Variants in PRKN observed in about 807,000 individuals in gnomAD.
PRKN encodes the protein parkin RBR E3 ubiquitin protein ligase, also known as E3 ubiquitin-protein ligase parkin.
In PRKN, 56 loss-of-function variants were observed where a neutral mutation model predicts 59.5. The observed-to-expected ratio is 0.94, with a 90% CI of 0.76 to 1.18. PRKN has a LOEUF of 1.18. PRKN is among the 50% of genes most tolerant of loss of function. PRKN has a pLI of 0.00. For missense variants in PRKN, 657 were observed against 596.4 expected (o/e 1.10, Z -1.06); for synonymous variants, 250 against 222.1 (o/e 1.13, Z -1.12).
chr6:162,120,010 T>C (rs1780837353), intron 4 of PRKN, among the ~76,000 whole-genome samples: 1 of 152,176 alleles, frequency 6.6e-6, no homozygotes, highest in East Asian at 1.9e-4. Context: ...TTCTCTGTTT[T>C]GTTGTTGTTG....
At position 161,352,776 on chromosome 6, in the gene PRKN, A is replaced by G. The variant is rs1021672429; in HGVS notation, c.1286-2565T>C. On this transcript the variant is annotated intron_variant, in intron 11 of 11. Coordinates refer to ENST00000366898, the MANE Select transcript of PRKN (RefSeq NM_004562.3). The surrounding 1 kb of genome is among the most constrained non-coding windows in gnomAD (Gnocchi z 5.8). Reference sequence around the variant, plus strand: ...GTGTGTATATATATATATATATTTTATTTTATTTTATTTTATTTTTTTGAG... The same window carrying G: ...GTGTGTATATATATATATATATTTTGTTTTATTTTATTTTATTTTTTTGAG... Among the ~76,000 whole-genome samples the G allele has an allele frequency of 5.9e-5, 6 of 101,122 alleles. No individual in the cohort carries two copies. The highest frequency in any genetic ancestry group is 2.7e-4 in the Admixed American group (3 of 11,072). 66.3% of individuals were successfully genotyped at this position (101,122 alleles called of 152,430 possible).
chr6:162,621,439 C>T (rs1015426470), intron 1 of PRKN, among the ~76,000 whole-genome samples: 3 of 152,162 alleles, frequency 2.0e-5, no homozygotes, highest in Non-Finnish European at 4.4e-5. Context: ...CATGTGAGTT[C>T]ACCTTCTATG....
intron 9 of PRKN, among the ~76,000 whole-genome samples, chr6:161,485,180 G>A (rs547631461): frequency 1.4e-4 from 21 of 152,342 alleles, no homozygotes; most frequent in African/African-American, 4.8e-4. Context: ...TCATTCAGAT[G>A]ACTATATGCC....
intron 1 of PRKN, among the ~76,000 whole-genome samples, chr6:162,678,389 A>G (rs1779634506): frequency 1.3e-5 from 2 of 152,186 alleles, no homozygotes; most frequent in African/African-American, 4.8e-5. Flanking sequence ...ACTTTTTCCC[A>G]AAGTGGTTTC....
intron 6 of PRKN, among the ~76,000 whole-genome samples, chr6:161,844,183 A>C (rs1793104773): frequency 6.6e-6 from 1 of 152,252 alleles, no homozygotes; most frequent in Non-Finnish European, 1.5e-5. Context: ...ATGAACAAAA[A>C]GAATATTAAA....
At chr6:162,128,673 G>T (rs148516239) in intron 4 of PRKN, among the ~76,000 whole-genome samples, 113 of 152,252 alleles carry the variant, frequency 7.4e-4, no homozygotes, top group Non-Finnish European at 1.4e-3. Context: ...TTTATATATG[G>T]AAACCTAATC....
chr6:161,857,953 T>C (rs1406242091), intron 6 of PRKN, among the ~76,000 whole-genome samples: 1 of 152,222 alleles, frequency 6.6e-6, no homozygotes, highest in Non-Finnish European at 1.5e-5. Flanking sequence ...TAGCATCCAA[T>C]TATCACGTTG....
At chr6:162,556,867 A>G (rs1779628757) in intron 1 of PRKN, among the ~76,000 whole-genome samples, 1 of 152,140 alleles carries the variant, frequency 6.6e-6, no homozygotes, top group African/African-American at 2.4e-5. Context: ...AGCAGAGGGC[A>G]AGGCAGCACA....
At chr6:162,494,693 T>C (rs763035895) in intron 1 of PRKN, among the ~76,000 whole-genome samples, 4 of 152,194 alleles carry the variant, frequency 2.6e-5, no homozygotes, top group Non-Finnish European at 4.4e-5. Context: ...TTAAGGGAGA[T>C]AGTGAATGTA....
intron 9 of PRKN, among the ~76,000 whole-genome samples, chr6:161,453,715 ATCCCTCCC>A (rs1169181825): frequency 7.4e-6 from 1 of 135,802 alleles, no homozygotes; most frequent in Non-Finnish European, 1.6e-5. Context: ...CGGTCGGTCC[ATCCCTCCC>A]TCCCTCCCTC....
chr6:161,569,502 G>T, intron 7 of PRKN, 86 bp from the exon 8 acceptor site: 1 of 1,127,340 alleles, frequency 8.9e-7, no homozygotes, highest in Non-Finnish European at 1.3e-6. Flanking sequence ...ACTATCAACT[G>T]CCAGTGTTGC....
At chr6:162,198,687 G>A (rs967660789) in intron 4 of PRKN, among the ~76,000 whole-genome samples, 1 of 151,122 alleles carries the variant, frequency 6.6e-6, no homozygotes, top group East Asian at 2.0e-4. Flanking sequence ...GACTGGCTCT[G>A]GCTAACTGAT....
intron 6 of PRKN, among the ~76,000 whole-genome samples, chr6:161,885,896 A>G (rs1374982649): frequency 6.6e-6 from 1 of 152,206 alleles, no homozygotes; most frequent in Non-Finnish European, 1.5e-5. Flanking sequence ...AGGAGTTTTC[A>G]TCACACAAGG....
At chr6:162,677,466 G>GAAAAAAA (rs10712151) in intron 1 of PRKN, among the ~76,000 whole-genome samples, 1 of 91,406 alleles carries the variant, frequency 1.1e-5, no homozygotes, top group Non-Finnish European at 2.2e-5. Context: ...GCACTGTGGA[G>GAAAAAAA]AAAAAAAAAA....
At chr6:161,368,598 A>C (rs1582980508) in intron 10 of PRKN, among the ~76,000 whole-genome samples, 1 of 151,656 alleles carries the variant, frequency 6.6e-6, no homozygotes, top group Admixed American at 6.6e-5. Flanking sequence ...ACCAGCACCC[A>C]GCTTGTGGTA....
chr6:162,693,068 C>T (rs1777839489), intron 1 of PRKN, among the ~76,000 whole-genome samples: 1 of 152,272 alleles, frequency 6.6e-6, no homozygotes, highest in South Asian at 2.1e-4. Context: ...TAAAAAGCAA[C>T]TTTTGATATT....
intron 4 of PRKN, among the ~76,000 whole-genome samples, chr6:162,126,655 C>A (rs186106676): frequency 2.1e-3 from 318 of 152,270 alleles, no homozygotes; most frequent in Non-Finnish European, 3.6e-3. Context: ...GACCAGCTAC[C>A]AAATGTTTAT....
intron 4 of PRKN, among the ~76,000 whole-genome samples, chr6:162,173,380 T>G (rs79645279): frequency 0.019 from 2,893 of 152,296 alleles, 48 homozygotes; most frequent in South Asian, 0.043. Flanking sequence ...CACCAGTTAG[T>G]GTTAGACAAT....
chr6:162,294,429 C>A (rs939937600), intron 2 of PRKN, among the ~76,000 whole-genome samples: 1 of 152,126 alleles, frequency 6.6e-6, no homozygotes, highest in Non-Finnish European at 1.5e-5. Context: ...AGAGAAGAAC[C>A]TGTGGCTTGA....
Sources: gnomAD v4.1 joint callset for allele counts (sites outside exome capture counted in the v4.1 genomes callset) on GRCh38, gnomAD v4.1.1 for gene constraint, Gnocchi (gnomAD v3.1) non-coding constraint, MANE v1.5 for transcripts, NCBI Gene and HGNC (gene_info 2026-07-23, HGNC 2026-07-21) for gene names.